The following NETO1 variants were observed in gnomAD, a reference collection of about 807,000 sequenced individuals.
NETO1 encodes neuropilin and tolloid-like protein 1.
In NETO1, 26 loss-of-function variants were observed where a neutral mutation model predicts 61.3. The ratio of observed to expected loss-of-function variants is 0.42; its 90% CI spans 0.31 to 0.59. The LOEUF is 0.59. NETO1 is among the 20% of genes least tolerant of loss of function. The pLI is 0.12. For missense variants in NETO1, 531 were observed against 662.8 expected (o/e 0.80, Z 2.18); for synonymous variants, 225 against 225.8 (o/e 1.00, Z 0.03).
chr18:72,864,964 AGTTT>A lies in NETO1; in HGVS notation c.83-23_83-20del. ...TGCTTTTCTGTTAAAAAAAAAAAAA[AGTTT>A]TAAAAAGAGCCATCATCCAATTTTC... is the stretch of plus-strand genomic sequence containing the variant. On this transcript the variant is annotated intron_variant, in intron 2 of 10. Coordinates refer to ENST00000327305, the MANE Select transcript of NETO1 (RefSeq NM_138966.5). 6.7e-7 allele frequency: 1 copy of A among 1,491,212 alleles called. No homozygotes were observed. The highest frequency in any genetic ancestry group is 9.1e-7 in the Non-Finnish European group (1 of 1,102,148). 92.4% of individuals were successfully genotyped at this position (1,491,212 alleles called of 1,614,324 possible).
At chr18:72,798,271 T>C (rs2072386249) in intron 4 of NETO1, among the ~76,000 whole-genome samples, 1 of 152,102 alleles carries the variant, frequency 6.6e-6, no homozygotes, top group Admixed American at 6.6e-5. Context: ...TCAACCCTAT[T>C]GCGAACTGTG....
In NETO1 at chr18:72,762,191, G is replaced by C. The variant is rs534033049; in HGVS notation, c.869-6044C>G. On this transcript the variant is annotated intron_variant, in intron 7 of 10. Coordinates refer to ENST00000327305, the MANE Select transcript of NETO1 (RefSeq NM_138966.5). ...TTTTTTTTTTTTGAGGCTGATTTTC[G>C]CTCTTGTTGCCCAGGCTGGAGTGCA... is the stretch of plus-strand genomic sequence containing the variant. 2.2e-3 allele frequency among the ~76,000 whole-genome samples: 322 copies of C among 148,818 alleles called. 5 individuals carry two copies. The highest frequency in any genetic ancestry group is 1.1e-3 in the Admixed American group (17 of 14,844).
chr18:72,824,751 T>A (rs1045028207), intron 4 of NETO1, among the ~76,000 whole-genome samples: 1 of 150,378 alleles, frequency 6.6e-6, no homozygotes, highest in African/African-American at 2.4e-5. Flanking sequence ...TGGTGGTGCA[T>A]GCCTGTAGTC....
intron 4 of NETO1, among the ~76,000 whole-genome samples, chr18:72,841,528 T>C (rs911546875): frequency 6.6e-6 from 1 of 150,774 alleles, no homozygotes; most frequent in Non-Finnish European, 1.5e-5. Context: ...AGGTCAGGAG[T>C]TTGAGACCAG....
chr18:72,819,277 C>T (rs2073120625), intron 4 of NETO1, among the ~76,000 whole-genome samples: 2 of 152,052 alleles, frequency 1.3e-5, no homozygotes, highest in African/African-American at 4.8e-5. Flanking sequence ...TGTAATTATT[C>T]AGGAAAACTG....
chr18:72,826,038 T>C (rs2073362564), intron 4 of NETO1, among the ~76,000 whole-genome samples: 1 of 152,200 alleles, frequency 6.6e-6, no homozygotes, highest in Non-Finnish European at 1.5e-5. Flanking sequence ...TCATTATCTT[T>C]TTGAAGTCTT....
At chr18:72,855,256 C>CA (rs1235269811) in intron 4 of NETO1, among the ~76,000 whole-genome samples, 5 of 152,174 alleles carry the variant, frequency 3.3e-5, no homozygotes, top group African/African-American at 1.2e-4. Context: ...AGGGTGCTCA[C>CA]AAGGCTCTGC....
At chr18:72,825,488 C>T (rs2073345535) in intron 4 of NETO1, among the ~76,000 whole-genome samples, 1 of 150,898 alleles carries the variant, frequency 6.6e-6, no homozygotes, top group East Asian at 1.9e-4. Flanking sequence ...TTCAAAATAC[C>T]ATATTTTCCA....
intron 4 of NETO1, among the ~76,000 whole-genome samples, chr18:72,851,987 G>A (rs1436554386): frequency 2.0e-5 from 3 of 152,088 alleles, no homozygotes; most frequent in Non-Finnish European, 4.4e-5. Context: ...AAGTAGAAAG[G>A]TTGAAGGAAA....
chr18:72,863,962 G>A (rs2074658058), intron 3 of NETO1, among the ~76,000 whole-genome samples: 1 of 152,198 alleles, frequency 6.6e-6, no homozygotes, highest in Non-Finnish European at 1.5e-5. Flanking sequence ...GTTCACGCCT[G>A]TAATCCCAGC....
intron 4 of NETO1, 75 bp from the exon 5 acceptor site, chr18:72,794,479 T>G: frequency 7.0e-7 from 1 of 1,422,630 alleles, no homozygotes; most frequent in Non-Finnish European, 9.6e-7. Context: ...TATTTATCAT[T>G]AAGTTTTCCA....
At position 72,794,279 on chromosome 18, in the gene NETO1, C is replaced by T. The variant is rs899580835; in HGVS notation, c.512-35G>A. ...AAAATGCCAAACAAACACACAAAAA[C>T]GGAGCTTGAATAATAAACCAAAAGT... On this transcript the variant is annotated intron_variant, in intron 5 of 10. Coordinates refer to ENST00000327305, the MANE Select transcript of NETO1 (RefSeq NM_138966.5). The T allele has an allele frequency of 1.8e-5, 29 of 1,613,860 alleles. No individual in the cohort carries two copies. In the African/African-American group the frequency reaches 2.0e-4, roughly 11 times the overall value.
intron 6 of NETO1, among the ~76,000 whole-genome samples, chr18:72,784,930 T>C (rs1184824823): frequency 2.0e-5 from 3 of 152,246 alleles, no homozygotes; most frequent in Non-Finnish European, 4.4e-5. Context: ...CGAAAATGTA[T>C]GTCAATTAAA....
At chr18:72,756,475 A>G (rs1392365159) in intron 7 of NETO1, among the ~76,000 whole-genome samples, 1 of 152,212 alleles carries the variant, frequency 6.6e-6, no homozygotes, top group Non-Finnish European at 1.5e-5. Flanking sequence ...CATAAATTAT[A>G]CTTTATACAG....
intron 3 of NETO1, among the ~76,000 whole-genome samples, chr18:72,864,418 C>T (rs2074672034): frequency 6.6e-6 from 1 of 152,120 alleles, no homozygotes; most frequent in South Asian, 2.1e-4. Flanking sequence ...ATTTATAATA[C>T]TAAAGAAATG....
At chr18:72,792,112 C>T (rs1328641152) in intron 6 of NETO1, among the ~76,000 whole-genome samples, 1 of 152,068 alleles carries the variant, frequency 6.6e-6, no homozygotes, top group African/African-American at 2.4e-5. Flanking sequence ...AGAAAAAAGT[C>T]AAGTGAAGAA....
intron 4 of NETO1, chr18:72,853,234 T>C (rs1377233409): frequency 6.6e-6 from 1 of 152,178 alleles, no homozygotes; most frequent in African/African-American, 2.4e-5. Context: ...GTGATTATGC[T>C]CCTTACCTTT....
chr18:72,761,890 A>C (rs1457818878), intron 7 of NETO1, among the ~76,000 whole-genome samples: 2 of 152,192 alleles, frequency 1.3e-5, no homozygotes, highest in African/African-American at 4.8e-5. Context: ...AAGACTAAGA[A>C]ATATGGTATG....
At chr18:72,789,216 A>G (rs865837870) in intron 6 of NETO1, among the ~76,000 whole-genome samples, 114 of 120,666 alleles carry the variant, frequency 9.4e-4, no homozygotes, top group South Asian at 8.8e-3. Context: ...ACAAGCACAC[A>G]CACACACACA....
Sources: gnomAD v4.1 joint callset for allele counts (sites outside exome capture counted in the v4.1 genomes callset) on GRCh38, gnomAD v4.1.1 for gene constraint, MANE v1.5 for transcripts, NCBI Gene and HGNC (gene_info 2026-07-23, HGNC 2026-07-21) for gene names.